FAM153A: variants seen among roughly 807,000 people sequenced by gnomAD.
FAM153A encodes the protein family with sequence similarity 153 member A.
In FAM153A, 12 loss-of-function variants were observed where a neutral mutation model predicts 48.1. The observed-to-expected ratio is 0.25, with a 90% CI of 0.16 to 0.40. The LOEUF is 0.40. Ranked by LOEUF, FAM153A falls within the 10% of genes least tolerant of loss-of-function variation. The pLI, the probability that FAM153A is intolerant of heterozygous loss-of-function variation, is 1.00. For synonymous variants in FAM153A, 36 were observed against 118.2 expected (o/e 0.30, Z 4.51); for missense variants, 111 against 345.8 (o/e 0.32, Z 5.38).
intron 25 of FAM153A, among the ~76,000 whole-genome samples, chr5:177,715,544 G>A (rs1366592926): frequency 6.6e-6 from 1 of 151,214 alleles, no homozygotes; most frequent in African/African-American, 2.5e-5. Flanking sequence ...AAGCAATAAA[G>A]CTTTGATGTG....
chr5:177,721,694 T>TC, downstream of FAM153A, among the ~76,000 whole-genome samples: 1 of 3,928 alleles, frequency 2.5e-4, no homozygotes, highest in South Asian at 0.056. Context: ...AATTAAAGGA[T>TC]TTTTTTTTTT....
chr5:177,782,029 G>A (rs1217537880), upstream of FAM153A, among the ~76,000 whole-genome samples: 2 of 106,608 alleles, frequency 1.9e-5, no homozygotes, highest in Non-Finnish European at 4.0e-5. Flanking sequence ...GCGCCCGGCC[G>A]ACTCACGGTA....
At chr5:177,705,808 C>T (rs1173021934), downstream of FAM153A, among the ~76,000 whole-genome samples, 3 of 150,530 alleles carry the variant, frequency 2.0e-5, no homozygotes, top group Non-Finnish European at 4.4e-5. Context: ...TACAGGTGCA[C>T]ACCACCATGC....
At chr5:177,699,359 A>G in the FAM153A span, among the ~76,000 whole-genome samples, 1 of 151,502 alleles carries the variant, frequency 6.6e-6, no homozygotes, top group Non-Finnish European at 1.5e-5. Flanking sequence ...AATAAATGAA[A>G]TAGAGGTAGA....
intron 14 of FAM153A, among the ~76,000 whole-genome samples, chr5:177,734,139 GA>G (rs1170378223): frequency 8.2e-6 from 1 of 121,322 alleles, no homozygotes; most frequent in Admixed American, 8.8e-5. Context: ...CAAAAGACAT[GA>G]GCAGGCCCCT....
the FAM153A span, among the ~76,000 whole-genome samples, chr5:177,696,431 C>T: frequency 3.4e-3 from 514 of 152,082 alleles, 10 homozygotes; most frequent in African/African-American, 0.012. Flanking sequence ...GGCAGAGGTG[C>T]TCCTCACATC....
the FAM153A span, among the ~76,000 whole-genome samples, chr5:177,697,265 A>G: frequency 6.6e-6 from 1 of 151,648 alleles, no homozygotes; most frequent in African/African-American, 2.4e-5. Context: ...TTGCTGGTAT[A>G]TAGAAAAATA....
In FAM153A at chr5:177,725,734, C is replaced by T. The variant is rs1291914968; in HGVS notation, c.965-913G>A. Among the ~76,000 whole-genome samples, 8 of 151,790 alleles carry T rather than the reference C, an allele frequency of 5.3e-5. No homozygotes were observed. The East Asian group carries it at 1.2e-3, about 22-fold the overall frequency. ...GACAAGTGACTACTGTGCCAGCTGC[C>T]CAGAGGCTCTGCCCTGGGCCCAGTG... On this transcript the variant is annotated intron_variant, in intron 18 of 20. Coordinates refer to ENST00000614127, the Ensembl canonical transcript of FAM153A.
rs1468165409 is a variant in FAM153A at position 177,736,538 on chromosome 5, T to C, written c.664+41A>G. 11 of 1,469,062 alleles carry C rather than the reference T, an allele frequency of 7.5e-6. 1 individual carries two copies. In the South Asian group the frequency reaches 1.3e-4, roughly 18 times the overall value. The allele number at this position is 1,469,062 out of a possible 1,614,324, so 91.0% of individuals were successfully genotyped here. On this transcript the variant is annotated intron_variant, in intron 12 of 20. Coordinates refer to ENST00000614127, the Ensembl canonical transcript of FAM153A. ...AACAGTGCCATCTTTGCAACTCTAA[T>C]ATTTTGAACCTAAACAAAGAGATGA...
chr5:177,715,875 A>C (rs948517947), intron 25 of FAM153A, among the ~76,000 whole-genome samples: 4 of 151,154 alleles, frequency 2.6e-5, no homozygotes, highest in African/African-American at 9.8e-5. Flanking sequence ...GGGTCTTGCT[A>C]TTGTTGCCTA....
At chr5:177,707,717 G>A (rs1757991087), downstream of FAM153A, among the ~76,000 whole-genome samples, 1 of 151,338 alleles carries the variant, frequency 6.6e-6, no homozygotes, top group South Asian at 2.1e-4. Context: ...GCGCCACCAC[G>A]CCCAGCTAAT....
intron 6 of FAM153A, among the ~76,000 whole-genome samples, chr5:177,743,580 G>C (rs1307382670): frequency 8.2e-6 from 1 of 122,644 alleles, no homozygotes; most frequent in Non-Finnish European, 1.7e-5. Context: ...CCACCTGCAG[G>C]CTCCTCTCTT....
the FAM153A span, among the ~76,000 whole-genome samples, chr5:177,699,823 T>C: frequency 6.6e-6 from 1 of 151,244 alleles, no homozygotes; most frequent in Non-Finnish European, 1.5e-5. Flanking sequence ...TCCATAAGCA[T>C]AGAAGAGGAG....
intron 14 of FAM153A, among the ~76,000 whole-genome samples, chr5:177,732,384 C>A (rs768064116): frequency 0.11 from 10,029 of 93,624 alleles, 243 homozygotes; most frequent in Middle Eastern, 0.19. Context: ...TCACTGCAGC[C>A]TCCAGGGCTC....
At chr5:177,758,275 G>T (rs1767949024) in intron 1 of FAM153A, among the ~76,000 whole-genome samples, 1 of 127,560 alleles carries the variant, frequency 7.8e-6, no homozygotes, top group South Asian at 3.2e-4. Context: ...CAAGGGATGT[G>T]AAGGGTCTCT....
chr5:177,771,753 T>C (rs1769122120), intron 1 of FAM153A, among the ~76,000 whole-genome samples: 1 of 96,870 alleles, frequency 1.0e-5, no homozygotes, highest in African/African-American at 4.1e-5. Context: ...TGTGGGTACA[T>C]GTGAGGGAGA....
chr5:177,753,871 C>T (rs962764174), upstream of FAM153A, among the ~76,000 whole-genome samples: 3 of 151,882 alleles, frequency 2.0e-5, no homozygotes, highest in East Asian at 1.9e-4. Context: ...CCAAGATGGC[C>T]GAATAGAAAC....
rs763104907 is a variant in FAM153A, at chr5:177,740,825, AT to A, written c.442-25del. Reference sequence around the variant, plus strand: ...TTCTGCAAATAGAGAAAAGAAAAACATTATGAGAGTCAGACCACACTGTGGC... The same window carrying A: ...TTCTGCAAATAGAGAAAAGAAAAACATATGAGAGTCAGACCACACTGTGGC... On this transcript the variant is annotated intron_variant, in intron 7 of 20. Coordinates refer to ENST00000614127, the Ensembl canonical transcript of FAM153A. 3 of 785,678 alleles carry A rather than the reference AT, an allele frequency of 3.8e-6. 1 individual carries two copies. The South Asian group carries it at 6.5e-5, about 17-fold the overall frequency. 48.7% of individuals were successfully genotyped at this position (785,678 alleles called of 1,614,324 possible).
chr5:177,700,882 C>G, the FAM153A span, among the ~76,000 whole-genome samples: 1 of 151,742 alleles, frequency 6.6e-6, no homozygotes, highest in Non-Finnish European at 1.5e-5. Flanking sequence ...AATGAACACT[C>G]AAAAATGAAA....
Sources: gnomAD v4.1 joint callset for allele counts (sites outside exome capture counted in the v4.1 genomes callset) on GRCh38, gnomAD v4.1.1 for gene constraint, MANE v1.5 for transcripts, NCBI Gene and HGNC (gene_info 2026-07-23, HGNC 2026-07-21) for gene names.